Variants in ADGRB3 observed in about 807,000 individuals in gnomAD.
ADGRB3 encodes the protein brain-specific angiogenesis inhibitor 3.
A neutral mutation model predicts 193.4 loss-of-function variants in ADGRB3; 37 were observed. That is an observed-to-expected ratio of 0.19 (90% confidence interval 0.15 to 0.25). The LOEUF (loss-of-function observed/expected upper bound fraction) is 0.25, where lower values mean the gene tolerates loss of function less well. Among genes scored for constraint, ADGRB3 ranks in the 10% least tolerant of loss-of-function variants. The pLI, the probability that ADGRB3 is intolerant of heterozygous loss-of-function variation, is 1.00. For synonymous variants in ADGRB3, 690 were observed against 644.2 expected, an observed-to-expected ratio of 1.07 and a Z score of -1.08; for missense variants, 1,637 against 1,852.9, an observed-to-expected ratio of 0.88 and a Z score of 2.14.
At chr6:68,860,786 G>A (rs1765129597) in intron 3 of ADGRB3, among the ~76,000 whole-genome samples, 1 of 152,154 alleles carries the variant, frequency 6.6e-6, no homozygotes, top group Admixed American at 6.5e-5. Flanking sequence ...GGGTCAAATG[G>A]TAGTTCTATT....
intron 17 of ADGRB3, among the ~76,000 whole-genome samples, chr6:69,172,680 A>G (rs1775311828): frequency 1.3e-5 from 2 of 148,818 alleles, no homozygotes; most frequent in Admixed American, 6.7e-5. Flanking sequence ...AAAGAGAAAT[A>G]AAGAAAAAGA....
intron 17 of ADGRB3, among the ~76,000 whole-genome samples, chr6:69,206,751 T>G (rs1198570520): frequency 6.6e-6 from 1 of 152,234 alleles, no homozygotes; most frequent in Non-Finnish European, 1.5e-5. Context: ...AGTCCTCGTT[T>G]CTGCAGCTGG....
intron 19 of ADGRB3, among the ~76,000 whole-genome samples, chr6:69,236,262 G>T (rs931894207): frequency 6.6e-6 from 1 of 151,890 alleles, no homozygotes. Flanking sequence ...TCATACAAAA[G>T]TAAAAATTAT....
At chr6:68,645,776 G>T (rs781161950) in intron 3 of ADGRB3, among the ~76,000 whole-genome samples, 1 of 152,034 alleles carries the variant, frequency 6.6e-6, no homozygotes, top group African/African-American at 2.4e-5. Flanking sequence ...GAGTTCAAGC[G>T]ATTCTCCTGC....
At chr6:69,363,373 GAATA>G (rs1769493455) in intron 29 of ADGRB3, among the ~76,000 whole-genome samples, 1 of 151,974 alleles carries the variant, frequency 6.6e-6, no homozygotes, top group Non-Finnish European at 1.5e-5. Context: ...AGCAGAAAGA[GAATA>G]TATAGATGTG....
intron 17 of ADGRB3, among the ~76,000 whole-genome samples, chr6:69,217,607 C>T (rs544255837): frequency 6.6e-6 from 1 of 152,198 alleles, no homozygotes; most frequent in South Asian, 2.1e-4. Context: ...AGGGTGTCGC[C>T]CAGCCCCATG....
chr6:68,831,995 C>T (rs1767965721), intron 3 of ADGRB3, among the ~76,000 whole-genome samples: 1 of 152,142 alleles, frequency 6.6e-6, no homozygotes, highest in Non-Finnish European at 1.5e-5. Context: ...TGTGTTATCA[C>T]TAAGTATCAA....
At chr6:69,187,737 T>C (rs1413710985) in intron 17 of ADGRB3, among the ~76,000 whole-genome samples, 1 of 152,192 alleles carries the variant, frequency 6.6e-6, no homozygotes, top group Admixed American at 6.5e-5. Context: ...TTTCAAGAAC[T>C]CACCCATCTA....
Position 69,043,334 on chromosome 6 carries a change from G to GAAAGAAAGAAAGGAAGAAAGAAAGAA in ADGRB3, c.2108-4844_2108-4843insGAAAGGAAGAAAGAAAGAAAAAGAAA, listed in dbSNP as rs1554252122. Among the ~76,000 whole-genome samples, 901 of 110,090 alleles carry GAAAGAAAGAAAGGAAGAAAGAAAGAA rather than the reference G, an allele frequency of 8.2e-3. 20 individuals are homozygous for GAAAGAAAGAAAGGAAGAAAGAAAGAA. Among genetic ancestry groups the GAAAGAAAGAAAGGAAGAAAGAAAGAA allele is most frequent in the Non-Finnish European group, 0.012 (625 of 51,828 alleles). 72.2% of individuals were successfully genotyped at this position (110,090 alleles called of 152,430 possible). A position where few individuals can be genotyped will look rare whatever the true frequency, so the allele number is the denominator to read the frequency against. On this transcript the variant is annotated intron_variant, in intron 13 of 31. Transcript: ENST00000370598. ...AAAGAAAGAAAGAAAGAAAGAAAGA[G>GAAAGAAAGAAAGGAAGAAAGAAAGAA]AAAGAAAAGAAGATTAAGTAAAAAG...
chr6:68,854,505 G>A lies in ADGRB3; in HGVS notation c.758-76054G>A, dbSNP rs79707444. On this transcript the variant is annotated intron_variant, in intron 3 of 31. Transcript: ENST00000370598. ...CATGTAATACACAATAAATAGATGC[G>A]ATTGTATATATAAATTTTAAAAATC... 3.2e-3 allele frequency among the ~76,000 whole-genome samples: 493 copies of A among 152,044 alleles called. 1 individual carries two copies. Among genetic ancestry groups the A allele is most frequent in the Non-Finnish European group, 5.7e-3 (389 of 67,984 alleles).
intron 17 of ADGRB3, among the ~76,000 whole-genome samples, chr6:69,143,882 T>G (rs1313898824): frequency 1.3e-5 from 2 of 152,220 alleles, no homozygotes; most frequent in African/African-American, 4.8e-5. Context: ...TGTGGATCCA[T>G]ATACATTTCA....
chr6:69,094,645 T>C (rs2128290), intron 17 of ADGRB3, among the ~76,000 whole-genome samples: 102,917 of 152,112 alleles, frequency 0.68, 35,781 homozygotes, highest in East Asian at 0.96. Flanking sequence ...AATGTGTTTA[T>C]TTTCTCATAG....
At chr6:68,698,167 A>T (rs1477176132) in intron 3 of ADGRB3, among the ~76,000 whole-genome samples, 1 of 151,890 alleles carries the variant, frequency 6.6e-6, no homozygotes, top group Non-Finnish European at 1.5e-5. Context: ...ATTTAAAACT[A>T]ACCAATGAAA....
intron 3 of ADGRB3, among the ~76,000 whole-genome samples, chr6:68,725,587 C>T (rs1765658506): frequency 6.6e-6 from 1 of 151,612 alleles, no homozygotes; most frequent in African/African-American, 2.4e-5. Context: ...TGGTTTTAGC[C>T]TGAGTAACAT....
chr6:69,123,660 A>C (rs1253916076), intron 17 of ADGRB3, among the ~76,000 whole-genome samples: 1 of 152,208 alleles, frequency 6.6e-6, no homozygotes, highest in Non-Finnish European at 1.5e-5. Flanking sequence ...ACCTAGGGGA[A>C]AAATTACTGA....
intron 3 of ADGRB3, among the ~76,000 whole-genome samples, chr6:68,884,644 G>A (rs151324871): frequency 6.6e-6 from 1 of 152,200 alleles, no homozygotes; most frequent in Non-Finnish European, 1.5e-5. Context: ...CAGAGTAGGG[G>A]CTTTTATCCT....
intron 17 of ADGRB3, among the ~76,000 whole-genome samples, chr6:69,152,144 ATACAAG>A (rs1774698090): frequency 6.6e-6 from 1 of 152,226 alleles, no homozygotes; most frequent in Non-Finnish European, 1.5e-5. Context: ...ACAGACTAAT[ATACAAG>A]TACATTTTAT....
At chr6:69,077,742 C>A (rs1452922174) in intron 17 of ADGRB3, among the ~76,000 whole-genome samples, 1 of 151,970 alleles carries the variant, frequency 6.6e-6, no homozygotes, top group Non-Finnish European at 1.5e-5. Context: ...TTACAACATT[C>A]AGCTTCTAAG....
At chr6:69,180,279 G>A (rs1439118824) in intron 17 of ADGRB3, among the ~76,000 whole-genome samples, 1 of 152,204 alleles carries the variant, frequency 6.6e-6, no homozygotes, top group Admixed American at 6.5e-5. Context: ...ATCAGTTTGG[G>A]CAAACAGGTG....
Sources: gnomAD v4.1 joint callset for allele counts (sites outside exome capture counted in the v4.1 genomes callset) on GRCh38, gnomAD v4.1.1 for gene constraint, MANE v1.5 for transcripts, NCBI Gene and HGNC (gene_info 2026-07-23, HGNC 2026-07-21) for gene names.